Variants in NUSAP1 observed in about 807,000 individuals in gnomAD.
The protein encoded by NUSAP1 is nucleolar and spindle-associated protein 1.
A neutral mutation model predicts 52.8 loss-of-function variants in NUSAP1; 32 were observed. The ratio of observed to expected loss-of-function variants is 0.61; its 90% CI spans 0.46 to 0.81. The LOEUF (loss-of-function observed/expected upper bound fraction) is 0.81, where lower values mean the gene tolerates loss of function less well. NUSAP1 is among the 40% of genes least tolerant of loss of function. NUSAP1 has a pLI of 0.00. For synonymous variants in NUSAP1, 195 were observed against 183.1 expected (o/e 1.06, Z -0.52); for missense variants, 499 against 522.3 (o/e 0.96, Z 0.43).
At chr15:41,335,315 A>T (rs1595516026) in intron 1 of NUSAP1, among the ~76,000 whole-genome samples, 1 of 145,358 alleles carries the variant, frequency 6.9e-6, no homozygotes, top group African/African-American at 2.5e-5. Context: ...ATATACTAGT[A>T]TATATAAATA....
chr15:41,350,314 G>A (rs890527768), intron 3 of NUSAP1, among the ~76,000 whole-genome samples: 4 of 152,148 alleles, frequency 2.6e-5, no homozygotes, highest in African/African-American at 9.7e-5. Flanking sequence ...AACATAACTT[G>A]TGACTTAGCC....
intron 10 of NUSAP1, among the ~76,000 whole-genome samples, chr15:41,379,751 T>A (rs2050134317): frequency 6.6e-6 from 1 of 152,060 alleles, no homozygotes; most frequent in South Asian, 2.1e-4. Flanking sequence ...TTCACCATTT[T>A]GGCCAGGCTG....
chr15:41,352,467 C>T (rs1364238740), intron 4 of NUSAP1, among the ~76,000 whole-genome samples: 1 of 151,998 alleles, frequency 6.6e-6, no homozygotes, highest in Non-Finnish European at 1.5e-5. Context: ...TTCTCATTTT[C>T]CCTAAAACTT....
intron 10 of NUSAP1, among the ~76,000 whole-genome samples, chr15:41,378,871 T>C (rs995628574): frequency 1.3e-5 from 2 of 150,082 alleles, no homozygotes; most frequent in Non-Finnish European, 3.0e-5. Flanking sequence ...TTAGCCATTA[T>C]GCTCTACTTT....
chr15:41,364,176 C>T (rs1169490349), intron 6 of NUSAP1, among the ~76,000 whole-genome samples: 1 of 152,066 alleles, frequency 6.6e-6, no homozygotes, highest in African/African-American at 2.4e-5. Flanking sequence ...TCAAAGCTTC[C>T]GTATTTCCAA....
chr15:41,359,868 G>C (rs1465741489), intron 6 of NUSAP1, among the ~76,000 whole-genome samples: 1 of 150,986 alleles, frequency 6.6e-6, no homozygotes, highest in Admixed American at 6.6e-5. Context: ...CCTGACCTCA[G>C]GTGATCAACC....
At chr15:41,335,965 A>G (rs1304285656) in intron 1 of NUSAP1, among the ~76,000 whole-genome samples, 4 of 151,058 alleles carry the variant, frequency 2.6e-5, no homozygotes, top group African/African-American at 9.7e-5. Context: ...TGATATTATT[A>G]AAAATAAATT....
intron 2 of NUSAP1, among the ~76,000 whole-genome samples, chr15:41,345,166 T>A (rs2048517090): frequency 6.6e-6 from 1 of 151,930 alleles, no homozygotes. Flanking sequence ...TTCCTGGCTA[T>A]TTTTTGTATT....
At chr15:41,355,330 G>A (rs139060596) in intron 4 of NUSAP1, among the ~76,000 whole-genome samples, 75 of 151,402 alleles carry the variant, frequency 5.0e-4, no homozygotes, top group African/African-American at 1.6e-3. Context: ...GCCCCACCAC[G>A]CCCAGCTCAT....
intron 3 of NUSAP1, 110 bp downstream of exon 3, chr15:41,349,351 CTGTG>C: frequency 2.7e-6 from 3 of 1,111,974 alleles, no homozygotes; most frequent in Non-Finnish European, 3.9e-6. Flanking sequence ...TGTAAGGTTA[CTGTG>C]TGCTGTAAGC....
chr15:41,347,296 G>A (rs1292774324), intron 2 of NUSAP1, among the ~76,000 whole-genome samples: 2 of 152,094 alleles, frequency 1.3e-5, no homozygotes, highest in Non-Finnish European at 2.9e-5. Flanking sequence ...TAGACATCTG[G>A]TAGACTGCCT....
rs144930202 is a variant in NUSAP1 at position 41,380,426 on chromosome 15, C to T, written c.*240C>T. ...GTCCATTAACAATTCAGGTTTCTAA[C>T]GAGACCCATCCTAAAATTCTGTTTC... On this transcript the variant is annotated 3_prime_UTR_variant, in exon 11 of 11. Coordinates refer to ENST00000559596, the MANE Select transcript of NUSAP1 (RefSeq NM_016359.5). The T allele has an allele frequency of 8.6e-5, 25 of 290,338 alleles. No homozygotes were observed. Among genetic ancestry groups the T allele is most frequent in the African/African-American group, 4.9e-4 (22 of 45,166 alleles). 18.0% of individuals were successfully genotyped at this position (290,338 alleles called of 1,614,324 possible).
intron 10 of NUSAP1, among the ~76,000 whole-genome samples, chr15:41,378,957 T>TTTTTTTTTTTTG (rs1566813659): frequency 1.8e-5 from 2 of 111,154 alleles, no homozygotes; most frequent in Non-Finnish European, 3.7e-5. Flanking sequence ...TTTTTTTTTT[T>TTTTTTTTTTTTG]TTTTTTTTTT....
intron 10 of NUSAP1, among the ~76,000 whole-genome samples, chr15:41,377,591 C>A (rs577407280): frequency 1.3e-5 from 2 of 150,584 alleles, no homozygotes; most frequent in East Asian, 3.9e-4. Flanking sequence ...TCCAGCTACT[C>A]GGGAGGCTGA....
intron 8 of NUSAP1, among the ~76,000 whole-genome samples, chr15:41,373,640 G>T (rs1407587425): frequency 6.6e-6 from 1 of 151,660 alleles, no homozygotes; most frequent in Non-Finnish European, 1.5e-5. Context: ...GGTAGAGACA[G>T]GGTGTCACCG....
chr15:41,333,238 C>T (rs576672188), intron 1 of NUSAP1, among the ~76,000 whole-genome samples, 188 bp downstream of exon 1: 6 of 152,328 alleles, frequency 3.9e-5, no homozygotes, highest in African/African-American at 1.4e-4. Context: ...CTGTAGTTTT[C>T]ACCTCATTTT....
Position 41,371,597 on chromosome 15 carries a change from CAT to C in NUSAP1, c.920_921del (p.His307ArgfsTer38). On this transcript the variant is annotated frameshift_variant, in exon 8 of 11. Coordinates refer to ENST00000559596, the MANE Select transcript of NUSAP1 (RefSeq NM_016359.5). LOFTEE classifies it high-confidence loss of function. Reference sequence around the variant, plus strand: ...CAAGACTCCAGCCAGAAAGTCTGCACATGTGACCGTGTCTGGGGGCACCCCAA... The same window carrying C: ...CAAGACTCCAGCCAGAAAGTCTGCACGTGACCGTGTCTGGGGGCACCCCAA... The part of the protein sequence containing the change: ...LTKTPARKSA[H>X]VTVSGGTPKG... The C allele has an allele frequency of 1.9e-6, 3 of 1,611,976 alleles. No homozygotes were observed. Among genetic ancestry groups the C allele is most frequent in the Non-Finnish European group, 2.5e-6 (3 of 1,179,408 alleles).
In NUSAP1 at chr15:41,380,186, A is replaced by G. The variant is rs7168431; in HGVS notation, c.1326A>G (p.Ter442=). 0.23 allele frequency: 363,076 copies of G among 1,554,700 alleles called. 46,136 individuals are homozygous for G. The highest frequency in any genetic ancestry group is 0.26 in the Non-Finnish European group (294,852 of 1,147,612). ...GGGGCCTCATTTTGGCTGAAGATTA[A>G]TAATTTTTTAACATCTTGTAAATAT... ...MRRGLILAED[*] Residue 442 remains the stop codon, a stop_retained_variant, in exon 11 of 11, where the codon TAA becomes TAG. Coordinates refer to ENST00000559596, the MANE Select transcript of NUSAP1 (RefSeq NM_016359.5).
chr15:41,376,167 G>A (rs1377914091), intron 9 of NUSAP1, among the ~76,000 whole-genome samples: 2 of 151,974 alleles, frequency 1.3e-5, no homozygotes, highest in Admixed American at 1.3e-4. Flanking sequence ...AGGCTGAGGT[G>A]GGCAGATCAC....
Sources: gnomAD v4.1 joint callset for allele counts (sites outside exome capture counted in the v4.1 genomes callset) on GRCh38, gnomAD v4.1.1 for gene constraint, MANE v1.5 for transcripts, NCBI Gene and HGNC (gene_info 2026-07-23, HGNC 2026-07-21) for gene names.